ZPBP: variants seen among roughly 807,000 people sequenced by gnomAD.
The protein encoded by ZPBP is zona pellucida-binding protein 1.
Under a neutral mutation model 44.8 loss-of-function variants are expected in ZPBP, and 26 were observed. That is an observed-to-expected ratio of 0.58 (90% CI 0.43 to 0.81). The LOEUF is 0.81. ZPBP is among the 30% of genes least tolerant of loss of function. The pLI, the probability that ZPBP is intolerant of heterozygous loss-of-function variation, is 0.00. For missense variants in ZPBP, 409 were observed against 434.0 expected (o/e 0.94, Z 0.51); for synonymous variants, 174 against 153.2 (o/e 1.14, Z -1.00).
At chr7:49,898,505 T>A (rs1271130252) in intron 2 of ZPBP, among the ~76,000 whole-genome samples, 1 of 152,082 alleles carries the variant, frequency 6.6e-6, no homozygotes, top group East Asian at 1.9e-4. Context: ...ACTCCTTCAC[T>A]TTTGAAAGTT....
At chr7:49,981,460 A>AT (rs1796925147) in intron 7 of ZPBP, among the ~76,000 whole-genome samples, 1 of 65,504 alleles carries the variant, frequency 1.5e-5, no homozygotes, top group Non-Finnish European at 2.6e-5. Context: ...TACATATAAT[A>AT]ATATATATAA....
At chr7:50,029,262 T>C (rs1029531626) in intron 5 of ZPBP, among the ~76,000 whole-genome samples, 1 of 152,190 alleles carries the variant, frequency 6.6e-6, no homozygotes, top group Non-Finnish European at 1.5e-5. Flanking sequence ...CAAATGTTCT[T>C]GGACAACCAG....
intron 3 of ZPBP, among the ~76,000 whole-genome samples, chr7:50,069,736 C>T (rs1297122161): frequency 6.6e-6 from 1 of 151,948 alleles, no homozygotes; most frequent in East Asian, 1.9e-4. Context: ...AACGCACTTT[C>T]ACTCTCACTT....
intron 2 of ZPBP, 78 bp downstream of exon 2, chr7:50,089,551 A>G: frequency 1.9e-6 from 2 of 1,073,496 alleles, no homozygotes; most frequent in South Asian, 2.7e-5. Flanking sequence ...GAAGAGCATT[A>G]GCCTTTTGGA....
chr7:49,959,436 T>C (rs886305964), intron 7 of ZPBP, among the ~76,000 whole-genome samples: 2 of 152,006 alleles, frequency 1.3e-5, no homozygotes, highest in African/African-American at 4.8e-5. Context: ...TACATACTAA[T>C]GGGAAAATTA....
chr7:49,922,265 C>T (rs1220791750), intron 1 of ZPBP, among the ~76,000 whole-genome samples: 1 of 151,890 alleles, frequency 6.6e-6, no homozygotes, highest in Non-Finnish European at 1.5e-5. Flanking sequence ...GATTATGAAA[C>T]CTCATATCGA....
At chr7:50,080,337 A>G (rs1802295559) in intron 3 of ZPBP, among the ~76,000 whole-genome samples, 1 of 151,736 alleles carries the variant, frequency 6.6e-6, no homozygotes, top group Non-Finnish European at 1.5e-5. Flanking sequence ...CAGTTTTTAT[A>G]AAGATAAAAA....
At chr7:50,069,162 T>C (rs1801693799) in intron 3 of ZPBP, among the ~76,000 whole-genome samples, 1 of 152,232 alleles carries the variant, frequency 6.6e-6, no homozygotes, top group Non-Finnish European at 1.5e-5. Flanking sequence ...CCTGTATTCC[T>C]TTTAACTTAA....
intron 6 of ZPBP, among the ~76,000 whole-genome samples, chr7:49,985,050 C>A (rs564558486): frequency 2.0e-5 from 3 of 152,176 alleles, no homozygotes; most frequent in South Asian, 2.1e-4. Context: ...CTAAATTGTC[C>A]CCCTGGGAGT....
At chr7:49,999,949 T>C (rs1798023245) in intron 6 of ZPBP, among the ~76,000 whole-genome samples, 1 of 152,102 alleles carries the variant, frequency 6.6e-6, no homozygotes, top group African/African-American at 2.4e-5. Flanking sequence ...GAAGCAAAAA[T>C]TATAACCCCA....
chr7:49,857,239 G>A (rs1015741298), intron 2 of ZPBP, among the ~76,000 whole-genome samples: 2 of 152,020 alleles, frequency 1.3e-5, no homozygotes, highest in African/African-American at 4.8e-5. Context: ...CTGGTTCTAC[G>A]AGTTTAGCTC....
At chr7:49,893,444 GA>G (rs1792229765) in intron 2 of ZPBP, among the ~76,000 whole-genome samples, 1 of 152,072 alleles carries the variant, frequency 6.6e-6, no homozygotes, top group Admixed American at 6.6e-5. Flanking sequence ...GACAAAATTT[GA>G]TTTTTTTCGT....
At chr7:49,844,826 G>A in the ZPBP span, among the ~76,000 whole-genome samples, 1 of 152,028 alleles carries the variant, frequency 6.6e-6, no homozygotes, top group Non-Finnish European at 1.5e-5. Context: ...CTGAGTAGCT[G>A]AGATTACAGG....
At chr7:49,969,801 A>ATG (rs1796211832) in intron 7 of ZPBP, among the ~76,000 whole-genome samples, 1 of 132,636 alleles carries the variant, frequency 7.5e-6, no homozygotes, top group African/African-American at 2.8e-5. Flanking sequence ...ATGTTAATAA[A>ATG]TGTATATATA....
chr7:50,048,007 A>C (rs1354736423), intron 4 of ZPBP, among the ~76,000 whole-genome samples: 1 of 152,172 alleles, frequency 6.6e-6, no homozygotes, highest in Non-Finnish European at 1.5e-5. Context: ...CAAGTACCAG[A>C]ATAGTATGGG....
intron 7 of ZPBP, among the ~76,000 whole-genome samples, chr7:49,967,784 G>T (rs932306917): frequency 2.6e-5 from 4 of 152,144 alleles, no homozygotes; most frequent in African/African-American, 7.2e-5. Context: ...GACCTCAGGT[G>T]ATCTGCCCGC....
intron 1 of ZPBP, among the ~76,000 whole-genome samples, chr7:49,927,863 T>A (rs1203932255): frequency 6.6e-6 from 1 of 152,046 alleles, no homozygotes; most frequent in Non-Finnish European, 1.5e-5. Context: ...AGCAATAAAT[T>A]TATTTAGTAA....
intron 3 of ZPBP, among the ~76,000 whole-genome samples, chr7:50,081,257 T>C (rs1802336899): frequency 6.6e-6 from 1 of 151,606 alleles, no homozygotes. Flanking sequence ...AGGAAAACTT[T>C]CTCTGAGGGT....
intron 2 of ZPBP, among the ~76,000 whole-genome samples, chr7:50,083,233 A>T (rs1323072625): frequency 6.6e-6 from 1 of 151,894 alleles, no homozygotes; most frequent in East Asian, 1.9e-4. Flanking sequence ...AACAAATAAT[A>T]TTCCTCTACA....
Sources: gnomAD v4.1 joint callset for allele counts (sites outside exome capture counted in the v4.1 genomes callset) on GRCh38, gnomAD v4.1.1 for gene constraint, MANE v1.5 for transcripts, NCBI Gene and HGNC (gene_info 2026-07-23, HGNC 2026-07-21) for gene names.